UPF3B: variants seen among roughly 807,000 people sequenced by gnomAD.
The protein encoded by UPF3B is regulator of nonsense transcripts 3B.
In UPF3B, 7 loss-of-function variants were observed where a neutral mutation model predicts 40.3. That is an observed-to-expected ratio of 0.17 (90% CI 0.10 to 0.33). The LOEUF (loss-of-function observed/expected upper bound fraction) is 0.33. UPF3B is among the 10% of genes least tolerant of loss of function. The pLI is 1.00. For synonymous variants in UPF3B, 117 were observed against 117.3 expected, an observed-to-expected ratio of 1.00 and a Z score of 0.01; for missense variants, 229 against 358.9, an observed-to-expected ratio of 0.64 and a Z score of 2.93.
intron 3 of UPF3B, among the ~76,000 whole-genome samples, chrX:119,847,753 A>G (rs1284874320): frequency 9.2e-6 from 1 of 108,506 alleles, no homozygotes; most frequent in Non-Finnish European, 1.9e-5. Context: ...TGTGACAGAG[A>G]CTCTGTCTCA....
At position 119,843,209 on chromosome X, in the gene UPF3B, T is replaced by G; in HGVS notation, c.562A>C (p.Lys188Gln). Residue 188 changes from lysine (K) to glutamine (Q), a missense_variant, in exon 5 of 11, where the codon AAA becomes CAA. Lys to Gln is a moderately conservative substitution (Grantham distance 53). Coordinates refer to ENST00000276201, the MANE Select transcript of UPF3B (RefSeq NM_080632.3). The stretch of plus-strand genomic sequence containing the variant: ...CACTTACCTATTAATTCTCTATTTT[T>G]TGCTTCTATTTCCTCTAGCAGTGTC... Reference protein sequence around the residue: ...PETLLEEIEAKNRELIAKKTT... With the variant: ...PETLLEEIEAQNRELIAKKTT... The G allele has an allele frequency of 8.4e-7, 1 of 1,196,513 alleles. No individual in the cohort carries two copies. The highest frequency in any genetic ancestry group is 1.1e-6 in the Non-Finnish European group (1 of 881,910).
Position 119,851,565 on chromosome X carries a change from G to A in UPF3B, c.300C>T (p.Asn100=). 8.3e-7 allele frequency: 1 copy of A among 1,207,283 alleles called. No individual in the cohort carries two copies. The highest frequency in any genetic ancestry group is 1.1e-6 in the Non-Finnish European group (1 of 891,771). Reference sequence around the variant, plus strand: ...AAATAATGTCCTCTTGGTTTTTAAAGTTGATGTATGCTCTGGCATACATAT... The same window carrying A: ...AAATAATGTCCTCTTGGTTTTTAAAATTGATGTATGCTCTGGCATACATAT... ...YPHMYARAYI[N]FKNQEDIILF... is the part of the protein sequence containing the mutation. Residue 100 remains asparagine (N), a synonymous_variant, in exon 3 of 11, where the codon AAC becomes AAT. Coordinates refer to ENST00000276201, the MANE Select transcript of UPF3B (RefSeq NM_080632.3).
downstream of UPF3B, among the ~76,000 whole-genome samples, chrX:119,832,788 C>T (rs780937828): frequency 8.9e-6 from 1 of 111,741 alleles, no homozygotes; most frequent in Admixed American, 9.6e-5. Context: ...ACTCTTTATA[C>T]CAACAAAAGG....
At chrX:119,829,432 T>C (rs770789442), downstream of UPF3B, among the ~76,000 whole-genome samples, 22 of 112,224 alleles carry the variant, frequency 2.0e-4, no homozygotes, top group African/African-American at 7.1e-4. Flanking sequence ...TAAAAAGTTG[T>C]ATATATTGTT....
intron 3 of UPF3B, among the ~76,000 whole-genome samples, chrX:119,846,534 A>C (rs1187655587): frequency 1.9e-5 from 2 of 107,143 alleles, no homozygotes; most frequent in African/African-American, 6.7e-5. Flanking sequence ...AGAAAAAGAA[A>C]AAAGAAAAAA....
intron 3 of UPF3B, among the ~76,000 whole-genome samples, chrX:119,824,747 T>C (rs1468162555): frequency 2.8e-5 from 3 of 105,313 alleles, no homozygotes; most frequent in African/African-American, 1.0e-4. Context: ...CATTAACCTA[T>C]GTATCTCCAT....
intron 3 of UPF3B, chrX:119,823,054 A>G (rs955628775): frequency 2.6e-6 from 2 of 782,962 alleles, no homozygotes; most frequent in African/African-American, 4.5e-5. Context: ...CTGAAGTACA[A>G]TGAAATATGT....
chrX:119,846,211 G>A (rs999697670), intron 3 of UPF3B, among the ~76,000 whole-genome samples: 2 of 110,318 alleles, frequency 1.8e-5, no homozygotes, highest in African/African-American at 6.6e-5. Context: ...GCACGTGCCT[G>A]CAATCCCAGC....
Position 119,834,099 on chromosome X carries a change from A to G in UPF3B, c.*779T>C. 6.6e-6 allele frequency: 5 copies of G among 754,731 alleles called. No homozygotes were observed. The highest frequency in any genetic ancestry group is 7.8e-6 in the Non-Finnish European group (5 of 639,186). The allele number at this position is 754,731 out of a possible 1,213,427, so 62.2% of individuals were successfully genotyped here. ...GACTAAAAGTTGCTATTTAACAGGA[A>G]TAGACACTGGTGCAGTTTCCTTCCT... On this transcript the variant is annotated 3_prime_UTR_variant, in exon 11 of 11. Transcript: ENST00000276201.
intron 6 of UPF3B, among the ~76,000 whole-genome samples, chrX:119,807,052 G>A (rs77074946): frequency 0.077 from 4,846 of 62,880 alleles, 437 homozygotes; most frequent in African/African-American, 0.22. Context: ...AAAAAAAAAA[G>A]AAAAAAAAAA....
chrX:119,812,685 C>T (rs951614841), intron 5 of UPF3B, among the ~76,000 whole-genome samples: 4 of 111,317 alleles, frequency 3.6e-5, no homozygotes, highest in South Asian at 3.8e-4. Flanking sequence ...GTTAGTTTTT[C>T]GAGGTTGGGC....
At chrX:119,812,316 C>G (rs1396294041) in intron 5 of UPF3B, among the ~76,000 whole-genome samples, 1 of 111,460 alleles carries the variant, frequency 9.0e-6, no homozygotes, top group Non-Finnish European at 1.9e-5. Flanking sequence ...CTGATAATTA[C>G]ATATTTATAT....
At chrX:119,821,982 C>T (rs765496471) in intron 4 of UPF3B, among the ~76,000 whole-genome samples, 1 of 111,387 alleles carries the variant, frequency 9.0e-6, no homozygotes, top group Admixed American at 9.6e-5. Flanking sequence ...AGGGTAGGCA[C>T]CAGATCATGA....
In UPF3B at chrX:119,834,686, A is replaced by G. The variant is rs1251190416; in HGVS notation, c.*192T>C. ...ATTTGTAGAAATTGCAAAAGCAATGAAATTGTACTTCCAATTCTGAACCTC... is the reference window on the plus strand; with the variant it reads ...ATTTGTAGAAATTGCAAAAGCAATGGAATTGTACTTCCAATTCTGAACCTC... On this transcript the variant is annotated 3_prime_UTR_variant, in exon 11 of 11. Transcript: ENST00000276201. 1 of 1,094,912 alleles carries G rather than the reference A, an allele frequency of 9.1e-7. No individual in the cohort carries two copies. Among genetic ancestry groups the G allele is most frequent in the East Asian group, 3.3e-5 (1 of 30,631 alleles). 90.2% of individuals were successfully genotyped at this position (1,094,912 alleles called of 1,213,427 possible).
chrX:119,820,374 C>G (rs2055904564), intron 4 of UPF3B, among the ~76,000 whole-genome samples: 1 of 105,625 alleles, frequency 9.5e-6, no homozygotes, highest in African/African-American at 3.5e-5. Flanking sequence ...TGGTCTCAAA[C>G]TCCTGACCTC....
intron 4 of UPF3B, among the ~76,000 whole-genome samples, chrX:119,844,490 CCTT>C (rs1181377125): frequency 2.7e-5 from 3 of 112,180 alleles, no homozygotes; most frequent in African/African-American, 9.7e-5. Context: ...ACAGTTCAAA[CCTT>C]CTTCTTTATA....
rs192937486 is a variant in UPF3B, at chrX:119,839,216, G to A, written c.847-689C>T. On this transcript the variant is annotated intron_variant, in intron 8 of 10. Transcript: ENST00000276201. ...AAGTGATAGGCAGATCGTTTCTGTTGGGACTGTTTTTATGTAGTACTTGGA... is the reference window on the plus strand; with the variant it reads ...AAGTGATAGGCAGATCGTTTCTGTTAGGACTGTTTTTATGTAGTACTTGGA... 3.6e-5 allele frequency among the ~76,000 whole-genome samples: 4 copies of A among 112,047 alleles called. No homozygotes were observed. The East Asian group carries it at 1.1e-3, about 31-fold the overall frequency.
downstream of UPF3B, among the ~76,000 whole-genome samples, chrX:119,830,625 G>A (rs1261029546): frequency 9.1e-6 from 1 of 109,623 alleles, no homozygotes; most frequent in African/African-American, 3.3e-5. Flanking sequence ...ACATAGTAGT[G>A]AACCATGAAT....
At chrX:119,811,978 G>T (rs1461236616) in intron 5 of UPF3B, among the ~76,000 whole-genome samples, 3 of 111,433 alleles carry the variant, frequency 2.7e-5, no homozygotes, top group East Asian at 5.6e-4. Flanking sequence ...TCCAGGCTGG[G>T]CCCAGTGGCT....
Sources: gnomAD v4.1 joint callset for allele counts (sites outside exome capture counted in the v4.1 genomes callset) on GRCh38, gnomAD v4.1.1 for gene constraint, MANE v1.5 for transcripts, NCBI Gene and HGNC (gene_info 2026-07-23, HGNC 2026-07-21) for gene names.